Variants in CCNB3 observed in about 807,000 individuals in gnomAD.
CCNB3 encodes G2/mitotic-specific cyclin-B3.
CCNB3 carries 12 observed loss-of-function variants against 68.0 expected under a neutral mutation model. The ratio of observed to expected loss-of-function variants is 0.18; its 90% CI spans 0.11 to 0.29. The LOEUF is 0.29. Among genes scored for constraint, CCNB3 ranks in the 10% least tolerant of loss-of-function variants. The pLI is 1.00. For synonymous variants in CCNB3, 354 were observed against 388.9 expected, an observed-to-expected ratio of 0.91 and a Z score of 1.06; for missense variants, 904 against 993.1, an observed-to-expected ratio of 0.91 and a Z score of 1.21.
chrX:50,226,503 T>C (rs1935811960), intron 1 of CCNB3, among the ~76,000 whole-genome samples: 1 of 75,178 alleles, frequency 1.3e-5, no homozygotes, highest in African/African-American at 5.4e-5. Flanking sequence ...TATAAAAATA[T>C]ATATATAGAA....
At chrX:50,212,506 T>C (rs1354429736) in intron 1 of CCNB3, among the ~76,000 whole-genome samples, 2 of 112,129 alleles carry the variant, frequency 1.8e-5, no homozygotes, top group African/African-American at 6.5e-5. Flanking sequence ...AACAGCTTTG[T>C]TGAAATATAA....
chrX:50,306,922 T>C (rs1252626275), intron 5 of CCNB3, among the ~76,000 whole-genome samples: 1 of 111,968 alleles, frequency 8.9e-6, no homozygotes, highest in Non-Finnish European at 1.9e-5. Context: ...TATTGGTCTG[T>C]AGTTTTCTAG....
At chrX:50,226,067 C>CGAATATATATAGAATATATAT (rs1200531122) in intron 1 of CCNB3, among the ~76,000 whole-genome samples, 21 of 68,050 alleles carry the variant, frequency 3.1e-4, no homozygotes, top group Non-Finnish European at 5.1e-4. Flanking sequence ...AGAATATATA[C>CGAATATATATAGAATATATAT]GAATATATAT....
chrX:50,349,662 C>T (rs782778916), intron 11 of CCNB3, among the ~76,000 whole-genome samples: 99 of 112,036 alleles, frequency 8.8e-4, no homozygotes, highest in Non-Finnish European at 1.7e-3. Flanking sequence ...CTACTCAGCA[C>T]GCCAATGACG....
At chrX:50,226,411 AGAATATATATG>A (rs1935802686) in intron 1 of CCNB3, among the ~76,000 whole-genome samples, 2 of 35,694 alleles carry the variant, frequency 5.6e-5, no homozygotes, top group African/African-American at 1.4e-4. Context: ...AAATATATAT[AGAATATATATG>A]TAGAATATAT....
Position 50,351,823 on chromosome X carries a change from TATAA to T in CCNB3, c.*124_*127del, listed in dbSNP as rs782596046. ...TTGTCTTTTCCCAAACTGATAATGT[TATAA>T]ATATTTATGTTGCTTGTTTTTATGA... On this transcript the variant is annotated 3_prime_UTR_variant, in exon 13 of 13. Coordinates refer to ENST00000376042, the MANE Select transcript of CCNB3 (RefSeq NM_033031.3). 6.0e-4 allele frequency: 275 copies of T among 457,718 alleles called. No homozygotes were observed. Among genetic ancestry groups the T allele is most frequent in the Non-Finnish European group, 8.5e-4 (241 of 282,279 alleles). The allele number at this position is 457,718 out of a possible 1,213,427, so 37.7% of individuals were successfully genotyped here.
chrX:50,291,991 A>G (rs1057157925), intron 4 of CCNB3, among the ~76,000 whole-genome samples: 11 of 111,689 alleles, frequency 9.8e-5, no homozygotes, highest in African/African-American at 3.6e-4. Context: ...AAAGAACACC[A>G]GTATACCCTA....
chrX:50,297,973 A>G (rs1301719282), intron 5 of CCNB3, among the ~76,000 whole-genome samples: 1 of 111,967 alleles, frequency 8.9e-6, no homozygotes, highest in Non-Finnish European at 1.9e-5. Context: ...ATTTTTGCAC[A>G]TGGATTTTGT....
chrX:50,296,258 C>T (rs1353994971), intron 5 of CCNB3, among the ~76,000 whole-genome samples: 2 of 95,911 alleles, frequency 2.1e-5, no homozygotes, highest in Non-Finnish European at 4.2e-5. Flanking sequence ...AGGTATATCT[C>T]CTAATGCTAT....
intron 1 of CCNB3, among the ~76,000 whole-genome samples, chrX:50,221,105 G>T (rs1398912457): frequency 2.7e-5 from 3 of 111,369 alleles, no homozygotes; most frequent in African/African-American, 9.8e-5. Flanking sequence ...TACTTCTGTG[G>T]GATCAGTGGT....
rs149173802 is a variant in CCNB3, at chrX:50,311,196, C to T, written c.3027C>T (p.Phe1009=). 987 of 1,204,681 alleles carry T rather than the reference C, an allele frequency of 8.2e-4. 5 individuals are homozygous for T. In the African/African-American group the frequency reaches 0.015, roughly 19 times the overall value. Residue 1009 remains phenylalanine, a synonymous_variant, in exon 6 of 13, where the codon TTC becomes TTT. Transcript: ENST00000376042. ...GTACCATCAATGAGGCATTCCTCTTCGAAGATATGATAACTCTGAATGAGA... is the reference window on the plus strand; with the variant it reads ...GTACCATCAATGAGGCATTCCTCTTTGAAGATATGATAACTCTGAATGAGA... ...KSGTINEAFL[F]EDMITLNEKP...
intron 5 of CCNB3, among the ~76,000 whole-genome samples, chrX:50,300,653 TG>T (rs782014605): frequency 6.6e-4 from 74 of 111,573 alleles, no homozygotes; most frequent in Non-Finnish European, 9.6e-4. Context: ...TGGCGTTCTC[TG>T]TATTTCCTGA....
chrX:50,226,795 GAATA>G (rs1171232019), intron 1 of CCNB3, among the ~76,000 whole-genome samples: 59 of 69,635 alleles, frequency 8.5e-4, no homozygotes, highest in African/African-American at 2.9e-3. Flanking sequence ...TATGTACATA[GAATA>G]TATATATAGA....
intron 1 of CCNB3, among the ~76,000 whole-genome samples, chrX:50,280,702 T>C (rs1936122406): frequency 9.1e-6 from 1 of 110,491 alleles, no homozygotes; most frequent in African/African-American, 3.3e-5. Context: ...CGTACCTGCA[T>C]CATACAGCTG....
intron 8 of CCNB3, among the ~76,000 whole-genome samples, chrX:50,334,423 T>C (rs1557218506): frequency 8.9e-6 from 1 of 112,880 alleles, no homozygotes; most frequent in East Asian, 2.8e-4. Context: ...ATGATGTCCT[T>C]TGGTTTTCAT....
chrX:50,285,233 C>G lies in CCNB3; in HGVS notation c.70C>G (p.Pro24Ala). ...PKKSQSSKIV[P>A]SHHDPSEKTG... ...GAAATCTCAGTCCAGCAAAATTGTG[C>G]CCAGTCATCATGACCCATCTGAAAA... The change falls in exon 3 of 13, where the codon CCC becomes GCC. Residue 24 changes from proline to alanine, a missense_variant. Pro to Ala is a conservative substitution (Grantham distance 27). This residue lies in a region of CCNB3 where 619 missense variants were observed against 609.8 expected (regional missense o/e 1.02). Transcript: ENST00000376042. 8.3e-7 allele frequency: 1 copy of G among 1,208,597 alleles called. No individual in the cohort carries two copies. The highest frequency in any genetic ancestry group is 1.1e-6 in the Non-Finnish European group (1 of 892,833).
chrX:50,207,707 A>G (rs1935393304), intron 1 of CCNB3, among the ~76,000 whole-genome samples: 2 of 111,931 alleles, frequency 1.8e-5, no homozygotes, highest in Admixed American at 1.9e-4. Context: ...AGGAACTGAT[A>G]TACTTTATTA....
At chrX:50,281,098 G>A in intron 1 of CCNB3, among the ~76,000 whole-genome samples, 1 of 110,800 alleles carries the variant, frequency 9.0e-6, no homozygotes, top group Non-Finnish European at 1.9e-5. Flanking sequence ...TACTCCCTGC[G>A]TGTCAGCCCA....
chrX:50,211,663 G>A (rs1443296170), intron 1 of CCNB3, among the ~76,000 whole-genome samples: 4 of 111,634 alleles, frequency 3.6e-5, no homozygotes, highest in Middle Eastern at 4.6e-3. Context: ...CCTCCTTTGC[G>A]TCTTGCTCTC....
Sources: allele counts gnomAD v4.1 joint callset (sites outside exome capture counted in the v4.1 genomes callset), GRCh38; gene constraint gnomAD v4.1.1; regional missense constraint gnomAD v4.1.1; transcripts MANE v1.5; gene names NCBI Gene and HGNC (gene_info 2026-07-23, HGNC 2026-07-21).